Variants in CDIN1 observed in about 807,000 individuals in gnomAD.
CDIN1 encodes CDAN1-interacting nuclease 1.
In CDIN1, 33 loss-of-function variants were observed where a neutral mutation model predicts 45.3. The ratio of observed to expected loss-of-function variants is 0.73; its 90% CI spans 0.55 to 0.97. The LOEUF is 0.97. Among genes scored for constraint, CDIN1 ranks in the 50% least tolerant of loss-of-function variants. CDIN1 has a pLI of 0.00. For missense variants in CDIN1, 303 were observed against 339.4 expected, an observed-to-expected ratio of 0.89 and a Z score of 0.84; for synonymous variants, 118 against 124.4, an observed-to-expected ratio of 0.95 and a Z score of 0.34.
At chr15:36,774,159 T>C (rs887292740) in intron 10 of CDIN1, among the ~76,000 whole-genome samples, 1,081 of 42,356 alleles carry the variant, frequency 0.026, 10 homozygotes, top group African/African-American at 0.043. Context: ...TGTGTGTGTG[T>C]GTGTGCGCGC....
At chr15:36,764,364 T>G (rs2053856629) in intron 10 of CDIN1, among the ~76,000 whole-genome samples, 1 of 152,166 alleles carries the variant, frequency 6.6e-6, no homozygotes, top group Non-Finnish European at 1.5e-5. Flanking sequence ...TTTATCCAGT[T>G]GTCTAGTAAC....
rs760613983 is a variant in CDIN1, at chr15:36,746,752, C to CTTTT, written c.716+36813_716+36816dup. 3.9e-4 allele frequency among the ~76,000 whole-genome samples: 29 copies of CTTTT among 74,342 alleles called. 1 individual carries two copies. Among genetic ancestry groups the CTTTT allele is most frequent in the African/African-American group, 1.2e-3 (19 of 16,464 alleles). The allele number at this position is 74,342 out of a possible 152,430, so 48.8% of individuals were successfully genotyped here. A position where few individuals can be genotyped will look rare whatever the true frequency, so the allele number is the denominator to read the frequency against. On this transcript the variant is annotated intron_variant, in intron 10 of 10. Coordinates refer to ENST00000566621, the MANE Select transcript of CDIN1 (RefSeq NM_001321759.2). ...GTATCATTAAAAGTTGGAAACGTGTCTTTTTTTTTTTTTTTTTTTTTTTTT... is the reference window on the plus strand; with the variant it reads ...GTATCATTAAAAGTTGGAAACGTGTCTTTTTTTTTTTTTTTTTTTTTTTTTTTTT...
In CDIN1 at chr15:36,809,911, A is replaced by G. The variant is rs1301124854; in HGVS notation, c.*1458A>G. ...ACTCTGAGTGGGGTGCATTAAATCA[A>G]AAGAGAGAGGCAGAAGATGAAATGC... is the stretch of plus-strand genomic sequence containing the variant. On this transcript the variant is annotated 3_prime_UTR_variant, in exon 11 of 11. Transcript: ENST00000566621. The G allele has an allele frequency of 6.6e-6, 1 of 152,166 alleles. No homozygotes were observed. Among genetic ancestry groups the G allele is most frequent in the East Asian group, 1.9e-4 (1 of 5,192 alleles). 9.4% of individuals were successfully genotyped at this position (152,166 alleles called of 1,614,324 possible).
chr15:36,697,176 T>A (rs1333502904), intron 7 of CDIN1, 147 bp from the exon 8 acceptor site: 4 of 694,142 alleles, frequency 5.8e-6, no homozygotes, highest in South Asian at 5.3e-5. Context: ...TATCCAATTA[T>A]TTAAATGAGG....
intron 10 of CDIN1, among the ~76,000 whole-genome samples, chr15:36,744,712 A>C (rs892722530): frequency 2.6e-5 from 4 of 152,218 alleles, no homozygotes; most frequent in Non-Finnish European, 5.9e-5. Context: ...CATTTCACCA[A>C]ATTGAATCGG....
intron 5 of CDIN1, among the ~76,000 whole-genome samples, chr15:36,678,064 A>C (rs942331301): frequency 1.3e-5 from 2 of 152,176 alleles, no homozygotes; most frequent in Non-Finnish European, 2.9e-5. Context: ...TTCTTACATG[A>C]TTATGTGCTA....
chr15:36,651,347 A>G (rs920255651), intron 3 of CDIN1, among the ~76,000 whole-genome samples: 3 of 152,212 alleles, frequency 2.0e-5, no homozygotes, highest in African/African-American at 4.8e-5. Flanking sequence ...GTGCAATGCT[A>G]TAAGTTTGCA....
At chr15:36,718,809 A>G (rs2043301423) in intron 10 of CDIN1, among the ~76,000 whole-genome samples, 1 of 99,422 alleles carries the variant, frequency 1.0e-5, no homozygotes, top group African/African-American at 3.9e-5. Flanking sequence ...TTCAATTTGT[A>G]TGCTTTTTTT....
chr15:36,752,949 G>A (rs553087986), intron 10 of CDIN1, among the ~76,000 whole-genome samples: 1 of 152,258 alleles, frequency 6.6e-6, no homozygotes, highest in South Asian at 2.1e-4. Flanking sequence ...AATCTTAGGA[G>A]GGGCCTGAAT....
At chr15:36,681,745 C>T (rs1218190335) in intron 5 of CDIN1, among the ~76,000 whole-genome samples, 1 of 152,052 alleles carries the variant, frequency 6.6e-6, no homozygotes. Flanking sequence ...GTAGAATCTC[C>T]AGAGTTGAAT....
chr15:36,610,581 G>A (rs2038601887), intron 1 of CDIN1, among the ~76,000 whole-genome samples: 1 of 152,182 alleles, frequency 6.6e-6, no homozygotes, highest in South Asian at 2.1e-4. Context: ...GTGTGAGTGT[G>A]TATGTGGGTG....
chr15:36,646,654 T>C (rs574013167), intron 3 of CDIN1, among the ~76,000 whole-genome samples: 2 of 45,518 alleles, frequency 4.4e-5, no homozygotes, highest in Admixed American at 5.5e-4. Context: ...GCACTGAAGG[T>C]TATTTACATG....
chr15:36,723,416 G>T (rs1018074287), intron 10 of CDIN1, among the ~76,000 whole-genome samples: 2 of 152,072 alleles, frequency 1.3e-5, no homozygotes, highest in Admixed American at 1.3e-4. Context: ...TATTGATTAA[G>T]AAGGTATTAA....
At chr15:36,637,999 T>C (rs930534982) in intron 1 of CDIN1, among the ~76,000 whole-genome samples, 10 of 152,198 alleles carry the variant, frequency 6.6e-5, no homozygotes, top group Admixed American at 1.3e-4. Context: ...TTTGGGGTGC[T>C]GGCAGTGTTC....
intron 1 of CDIN1, chr15:36,617,426 C>G: frequency 8.4e-7 from 1 of 1,195,670 alleles, no homozygotes. Flanking sequence ...AGCAATTCAG[C>G]AATTTCTACA....
intron 10 of CDIN1, among the ~76,000 whole-genome samples, chr15:36,733,111 A>G (rs963390772): frequency 1.3e-5 from 2 of 152,012 alleles, no homozygotes; most frequent in African/African-American, 4.8e-5. Context: ...CTTCAGCCTT[A>G]TGTTTCTGGC....
chr15:36,722,136 A>G (rs889787799), intron 10 of CDIN1, among the ~76,000 whole-genome samples: 5 of 152,156 alleles, frequency 3.3e-5, no homozygotes, highest in South Asian at 4.2e-4. Context: ...GAGACTTTCA[A>G]TTATGATTTT....
chr15:36,805,344 C>T (rs1373093529), intron 10 of CDIN1, among the ~76,000 whole-genome samples: 1 of 152,150 alleles, frequency 6.6e-6, no homozygotes, highest in East Asian at 1.9e-4. Context: ...GCTGCAATCT[C>T]AGTAGCAGAC....
At chr15:36,713,243 A>C (rs1390101047) in intron 10 of CDIN1, among the ~76,000 whole-genome samples, 2 of 152,156 alleles carry the variant, frequency 1.3e-5, no homozygotes, top group African/African-American at 4.8e-5. Context: ...ATATGCTATA[A>C]AGCACATGAA....
Sources: gnomAD v4.1 joint callset for allele counts (sites outside exome capture counted in the v4.1 genomes callset) on GRCh38, gnomAD v4.1.1 for gene constraint, MANE v1.5 for transcripts, NCBI Gene and HGNC (gene_info 2026-07-23, HGNC 2026-07-21) for gene names.